The following TSPEAR variants were observed in gnomAD, a reference collection of about 807,000 sequenced individuals.
TSPEAR encodes the protein thrombospondin type laminin G domain and EAR repeats.
A neutral mutation model predicts 71.6 loss-of-function variants in TSPEAR; 69 were observed. The observed-to-expected ratio is 0.96, with a 90% CI of 0.79 to 1.18. The LOEUF (loss-of-function observed/expected upper bound fraction) is 1.18, where lower values mean the gene tolerates loss of function less well. Ranked by LOEUF, TSPEAR falls within the 50% of genes most tolerant of loss-of-function variation. TSPEAR has a pLI of 0.00. For missense variants in TSPEAR, 971 were observed against 894.9 expected (o/e 1.09, Z -1.09); for synonymous variants, 402 against 387.2 (o/e 1.04, Z -0.45).
At chr21:44,522,766 C>T (rs2052761320) in intron 8 of TSPEAR, among the ~76,000 whole-genome samples, 1 of 152,258 alleles carries the variant, frequency 6.6e-6, no homozygotes, top group Non-Finnish European at 1.5e-5. Context: ...TGCCTGTCCT[C>T]AGGAAACAAG....
At chr21:44,533,616 G>A (rs781964269) in intron 3 of TSPEAR, 69 bp downstream of exon 3, 160 of 1,344,072 alleles carry the variant, frequency 1.2e-4, no homozygotes, top group Non-Finnish European at 1.5e-4. Flanking sequence ...CGGCGAGCAC[G>A]GCTGAAGGAT....
At chr21:44,573,723 TCCCCCAGCTCAA>T in intron 1 of TSPEAR, 1 of 1,588,080 alleles carries the variant, frequency 6.3e-7, no homozygotes, top group Non-Finnish European at 8.6e-7. Flanking sequence ...CCCTCCCATC[TCCCCCAGCTCAA>T]CCCCCAGCAC....
intron 1 of TSPEAR, among the ~76,000 whole-genome samples, chr21:44,569,218 C>T (rs2051398988): frequency 2.0e-5 from 3 of 152,220 alleles, no homozygotes; most frequent in Admixed American, 2.0e-4. Flanking sequence ...AGAGCCTACC[C>T]TGGAAAAGCA....
chr21:44,609,183 G>T (rs1981503525), intron 1 of TSPEAR, among the ~76,000 whole-genome samples: 1 of 152,194 alleles, frequency 6.6e-6, no homozygotes, highest in Non-Finnish European at 1.5e-5. Flanking sequence ...AATACTTAGG[G>T]AGGAGGGACT....
intron 1 of TSPEAR, chr21:44,657,955 A>G (rs1985250378): frequency 6.2e-7 from 1 of 1,605,696 alleles, no homozygotes; most frequent in South Asian, 1.1e-5. Context: ...CCTCCTCCCC[A>G]GTACCAGCCC....
intron 1 of TSPEAR, chr21:44,613,100 C>A (rs1981831211): frequency 3.0e-6 from 2 of 661,292 alleles, no homozygotes; most frequent in Admixed American, 2.9e-5. Flanking sequence ...CCTGCTGGGT[C>A]CCCTGTCCTC....
In TSPEAR at chr21:44,593,714, C is replaced by G. The variant is rs587617781; in HGVS notation, c.83-25709G>C. On this transcript the variant is annotated intron_variant, in intron 1 of 11. Transcript: ENST00000323084. The surrounding 1 kb of genome is among the most constrained non-coding windows in gnomAD (Gnocchi z 5.9). ...AGATATCAAATTACAAACAGGACCT[C>G]AGGCCGCGCCAGGCAAGGGACAAGC... is the stretch of plus-strand genomic sequence containing the variant. 2.3e-4 allele frequency among the ~76,000 whole-genome samples: 35 copies of G among 152,344 alleles called. 1 individual carries two copies. Among genetic ancestry groups the G allele is most frequent in the Admixed American group, 1.8e-3 (27 of 15,304 alleles).
chr21:44,530,963 A>G (rs2052957904), intron 4 of TSPEAR, 80 bp downstream of exon 4: 2 of 1,126,878 alleles, frequency 1.8e-6, no homozygotes, highest in South Asian at 2.5e-5. Context: ...GGATCTGTCA[A>G]CTAGAGCAGT....
At chr21:44,558,095 A>G (rs781815375) in intron 2 of TSPEAR, 2 of 1,610,928 alleles carry the variant, frequency 1.2e-6, no homozygotes, top group South Asian at 1.1e-5. Context: ...AGCACGCGGA[A>G]GAGAGGCGGG....
At chr21:44,579,683 A>G (rs1486174232) in intron 1 of TSPEAR, 1 of 1,531,970 alleles carries the variant, frequency 6.5e-7, no homozygotes, top group Non-Finnish European at 8.7e-7. Flanking sequence ...AGCGGGGGCA[A>G]CCTCCTAACC....
intron 8 of TSPEAR, 44 bp from the exon 9 acceptor site, chr21:44,522,156 C>T (rs1478140486): frequency 9.5e-6 from 15 of 1,581,936 alleles, no homozygotes; most frequent in Non-Finnish European, 1.3e-5. Flanking sequence ...GCAGATTCCA[C>T]AGCCCCATGG....
chr21:44,704,143 G>T (rs905616607), intron 1 of TSPEAR, among the ~76,000 whole-genome samples: 2 of 152,154 alleles, frequency 1.3e-5, no homozygotes, highest in African/African-American at 4.8e-5. Context: ...ATTAGAACAG[G>T]GTTGGTGTAA....
At position 44,527,270 on chromosome 21, in the gene TSPEAR, AAGTC is replaced by A; in HGVS notation, c.1149+18_1149+21del. 6.2e-7 allele frequency: 1 copy of A among 1,613,216 alleles called. No homozygotes were observed. The highest frequency in any genetic ancestry group is 1.1e-5 in the South Asian group (1 of 91,066). ...CTTTCCAAGAGAAAGGGGATGGAGA[AAGTC>A]ACCGAACACAGACTTGCCTTTTTCC... On this transcript the variant is annotated intron_variant, in intron 7 of 11. Transcript: ENST00000323084.
In TSPEAR at chr21:44,593,842, G is replaced by T. The variant is rs374557576; in HGVS notation, c.83-25837C>A. ...TGGCCCCGCGATGAGGATGAGCAAG[G>T]TTCAAACGACTGCAGCTCATCCACC... On this transcript the variant is annotated intron_variant, in intron 1 of 11. Coordinates refer to ENST00000323084, the MANE Select transcript of TSPEAR (RefSeq NM_144991.3). The surrounding 1 kb of genome is among the most constrained non-coding windows in gnomAD (Gnocchi z 5.9). Among the ~76,000 whole-genome samples the T allele has an allele frequency of 2.0e-4, 30 of 152,270 alleles. No homozygotes were observed. The highest frequency in any genetic ancestry group is 4.6e-4 in the Admixed American group (7 of 15,302).
chr21:44,685,826 G>A lies in TSPEAR; in HGVS notation c.82+25607C>T, dbSNP rs1257535575. On this transcript the variant is annotated intron_variant, in intron 1 of 11. Coordinates refer to ENST00000323084, the MANE Select transcript of TSPEAR (RefSeq NM_144991.3). Reference sequence around the variant, plus strand: ...TGCACCTCTGCAGTGGTGCAGACACGCACCCATTGTGCAAACCCTCTATGA... The same window carrying A: ...TGCACCTCTGCAGTGGTGCAGACACACACCCATTGTGCAAACCCTCTATGA... Among the ~76,000 whole-genome samples the A allele has an allele frequency of 4.6e-5, 7 of 152,254 alleles. No homozygotes were observed. The South Asian group carries it at 1.2e-3, about 27-fold the overall frequency.
At chr21:44,538,458 C>G (rs1234159619) in intron 2 of TSPEAR, among the ~76,000 whole-genome samples, 3 of 151,498 alleles carry the variant, frequency 2.0e-5, no homozygotes, top group African/African-American at 4.9e-5. Context: ...CTGGGCAGCG[C>G]CAGGGTTTTG....
In TSPEAR at chr21:44,533,803, G is replaced by T. The variant is rs1044638734; in HGVS notation, c.424C>A (p.Gln142Lys). 2.5e-6 allele frequency: 4 copies of T among 1,612,374 alleles called. No individual in the cohort carries two copies. In the African/African-American group the frequency reaches 5.3e-5, roughly 22 times the overall value. The change falls in exon 3 of 12, where the codon CAG becomes AAG. Residue 142 changes from glutamine to lysine, a missense_variant. By Grantham distance (53) the Gln-to-Lys change is moderately conservative. Transcript: ENST00000323084. Reference sequence around the variant, plus strand: ...GGGCTGCGGAAGGACACTCGGGTCTGCCAGGCGCCGGCCGTGTCCTCGCGA... The same window carrying T: ...GGGCTGCGGAAGGACACTCGGGTCTTCCAGGCGCCGGCCGTGTCCTCGCGA... The part of the protein sequence containing the change: ...FLREDTAGAW[Q>K]TRVSFRSPAL...
At position 44,660,646 on chromosome 21, in the gene TSPEAR, A is replaced by C. The variant is rs189423399; in HGVS notation, c.82+50787T>G. On this transcript the variant is annotated intron_variant, in intron 1 of 11. Coordinates refer to ENST00000323084, the MANE Select transcript of TSPEAR (RefSeq NM_144991.3). ...TTTGAGCCAAGGAATATGATAGCAG[A>C]GAGACACTTGAATCCACACAAAGAA... 6.6e-3 allele frequency among the ~76,000 whole-genome samples: 1,012 copies of C among 152,354 alleles called. 8 individuals are homozygous for C. The highest frequency in any genetic ancestry group is 8.9e-3 in the Non-Finnish European group (607 of 68,036).
In TSPEAR at chr21:44,531,069, G is replaced by T; in HGVS notation, c.607C>A (p.Arg203=). 1 of 1,613,666 alleles carries T rather than the reference G, an allele frequency of 6.2e-7. No homozygotes were observed. Among genetic ancestry groups the T allele is most frequent in the Non-Finnish European group, 8.5e-7 (1 of 1,179,992 alleles). The change falls in exon 4 of 12, where the codon CGG becomes AGG. Residue 203 remains arginine, a synonymous_variant. Transcript: ENST00000323084. ...ATGAACAGGCCTTTGGCTCTCCTCC[G>T]GCTGCCGACGAAGAATCGAGCTCCT... is the stretch of plus-strand genomic sequence containing the variant. ...VKGARFFVGS[R]RRAKGLFMGL...
Sources: gnomAD v4.1 joint callset for allele counts (sites outside exome capture counted in the v4.1 genomes callset) on GRCh38, gnomAD v4.1.1 for gene constraint, Gnocchi (gnomAD v3.1) non-coding constraint, MANE v1.5 for transcripts, NCBI Gene and HGNC (gene_info 2026-07-23, HGNC 2026-07-21) for gene names.